Variants in COL19A1 observed in about 807,000 individuals in gnomAD.
COL19A1 encodes the protein collagen type XIX alpha 1 chain.
In COL19A1, 159 loss-of-function variants were observed where a neutral mutation model predicts 190.2. The observed-to-expected ratio is 0.84, with a 90% confidence interval of 0.73 to 0.95. The LOEUF (loss-of-function observed/expected upper bound fraction) is 0.95, where lower values mean the gene tolerates loss of function less well. Ranked by LOEUF, COL19A1 falls within the 40% of genes least tolerant of loss-of-function variation. COL19A1 has a pLI of 0.00. For missense variants in COL19A1, 1,418 were observed against 1,431.9 expected, an observed-to-expected ratio of 0.99 and a Z score of 0.16; for synonymous variants, 509 against 458.9, an observed-to-expected ratio of 1.11 and a Z score of -1.39.
intron 14 of COL19A1, among the ~76,000 whole-genome samples, chr6:70,059,328 G>C (rs1226019074): frequency 6.6e-6 from 1 of 152,096 alleles, no homozygotes; most frequent in Non-Finnish European, 1.5e-5. Context: ...TCTTGATTAA[G>C]AAGCTGTAAA....
chr6:70,023,777 G>A, intron 12 of COL19A1, 97 bp downstream of exon 12: 1 of 1,078,222 alleles, frequency 9.3e-7, no homozygotes, highest in Non-Finnish European at 1.3e-6. Context: ...GGCAGAGCCA[G>A]CCAGCCATGA....
chr6:70,097,046 A>ATCATCC (rs1783320273), intron 15 of COL19A1, among the ~76,000 whole-genome samples: 1 of 152,114 alleles, frequency 6.6e-6, no homozygotes, highest in African/African-American at 2.4e-5. Context: ...CTTCATCATC[A>ATCATCC]TCATCCTCAT....
chr6:70,018,440 A>G (rs1778238071), intron 11 of COL19A1, among the ~76,000 whole-genome samples: 1 of 152,122 alleles, frequency 6.6e-6, no homozygotes, highest in Non-Finnish European at 1.5e-5. Flanking sequence ...TTCTCTAGGA[A>G]CAAGAGGTGG....
intron 14 of COL19A1, among the ~76,000 whole-genome samples, chr6:70,059,985 G>T (rs1211790450): frequency 6.6e-6 from 1 of 152,152 alleles, no homozygotes; most frequent in Non-Finnish European, 1.5e-5. Context: ...TTAAGACTAT[G>T]ATTCTCTAAC....
chr6:70,139,097 G>C (rs1179836030), intron 19 of COL19A1, among the ~76,000 whole-genome samples: 1 of 152,122 alleles, frequency 6.6e-6, no homozygotes, highest in Non-Finnish European at 1.5e-5. Flanking sequence ...GAAAATCGAG[G>C]ATTTTTAGAG....
At chr6:70,170,365 T>C (rs1215793613) in intron 40 of COL19A1, among the ~76,000 whole-genome samples, 2 of 152,022 alleles carry the variant, frequency 1.3e-5, no homozygotes, top group African/African-American at 4.8e-5. Flanking sequence ...CTTTTTGAGG[T>C]TGGAAATTTA....
chr6:69,979,596 G>A (rs1775926730), intron 11 of COL19A1, among the ~76,000 whole-genome samples: 2 of 151,686 alleles, frequency 1.3e-5, no homozygotes, highest in South Asian at 4.1e-4. Flanking sequence ...GACTTAAGGA[G>A]ATAAAATTGC....
At chr6:70,059,123 A>C (rs1562128769) in intron 14 of COL19A1, among the ~76,000 whole-genome samples, 1 of 152,126 alleles carries the variant, frequency 6.6e-6, no homozygotes, top group Non-Finnish European at 1.5e-5. Context: ...TTTAGAATTT[A>C]TGCAGATTCT....
intron 11 of COL19A1, among the ~76,000 whole-genome samples, chr6:69,984,742 C>T (rs1262567804): frequency 6.6e-6 from 1 of 152,076 alleles, no homozygotes; most frequent in East Asian, 1.9e-4. Context: ...ACTTTGCTTT[C>T]ACTTTATACT....
intron 1 of COL19A1, among the ~76,000 whole-genome samples, chr6:69,871,875 T>C (rs1767857139): frequency 6.7e-6 from 1 of 149,190 alleles, no homozygotes; most frequent in South Asian, 2.1e-4. Context: ...AGTGCAGTGC[T>C]GTGATCTTTC....
At chr6:70,118,146 A>C (rs185587088) in intron 16 of COL19A1, among the ~76,000 whole-genome samples, 224 of 152,322 alleles carry the variant, frequency 1.5e-3, no homozygotes, top group Middle Eastern at 3.4e-3. Flanking sequence ...CAGGATAGAC[A>C]ACTCTTGCTA....
At chr6:69,953,389 A>G (rs988235200) in intron 9 of COL19A1, among the ~76,000 whole-genome samples, 1 of 151,980 alleles carries the variant, frequency 6.6e-6, no homozygotes, top group Non-Finnish European at 1.5e-5. Context: ...TTGTAAGCCT[A>G]CTTGTTGGCT....
At chr6:70,047,477 A>G (rs768030267) in intron 14 of COL19A1, among the ~76,000 whole-genome samples, 1 of 152,152 alleles carries the variant, frequency 6.6e-6, no homozygotes, top group Non-Finnish European at 1.5e-5. Flanking sequence ...ATCCTCTATT[A>G]AAGGTAAATA....
At chr6:70,004,044 G>T (rs1202035792) in intron 11 of COL19A1, among the ~76,000 whole-genome samples, 2 of 152,134 alleles carry the variant, frequency 1.3e-5, no homozygotes, top group African/African-American at 4.8e-5. Flanking sequence ...GCTTCTTTCA[G>T]GAGCTCTTGC....
At chr6:69,998,581 G>A (rs75626659) in intron 11 of COL19A1, among the ~76,000 whole-genome samples, 4,374 of 147,832 alleles carry the variant, frequency 0.03, 215 homozygotes, top group African/African-American at 0.1. Flanking sequence ...GGAAGTGGAC[G>A]TTGCAGTAAG....
At chr6:69,870,770 G>A (rs1306397294) in intron 1 of COL19A1, among the ~76,000 whole-genome samples, 1 of 152,142 alleles carries the variant, frequency 6.6e-6, no homozygotes, top group African/African-American at 2.4e-5. Flanking sequence ...ATGGAGAAAA[G>A]GAATCCAGTT....
At chr6:70,046,057 T>C (rs1297117208) in intron 14 of COL19A1, among the ~76,000 whole-genome samples, 1 of 152,224 alleles carries the variant, frequency 6.6e-6, no homozygotes, top group Non-Finnish European at 1.5e-5. Flanking sequence ...TGGAAGCCCA[T>C]TTTTGTAATA....
intron 6 of COL19A1, among the ~76,000 whole-genome samples, chr6:69,930,812 C>G (rs146362146): frequency 2.0e-5 from 3 of 151,940 alleles, no homozygotes; most frequent in Non-Finnish European, 2.9e-5. Flanking sequence ...AAACAAAAAA[C>G]AAACAAACAA....
intron 15 of COL19A1, among the ~76,000 whole-genome samples, chr6:70,101,776 T>G (rs1052980924): frequency 6.6e-6 from 1 of 152,088 alleles, no homozygotes; most frequent in African/African-American, 2.4e-5. Flanking sequence ...CATACAAAAT[T>G]AGAATTCAGA....
Sources: allele counts gnomAD v4.1 joint callset (sites outside exome capture counted in the v4.1 genomes callset), GRCh38; gene constraint gnomAD v4.1.1; transcripts MANE v1.5; gene names NCBI Gene and HGNC (gene_info 2026-07-23, HGNC 2026-07-21).